Variants in VAT1L observed in about 807,000 individuals in gnomAD.
The protein encoded by VAT1L is vesicle amine transport 1 like.
In VAT1L, 34 loss-of-function variants were observed where a neutral mutation model predicts 44.1. That is an observed-to-expected ratio of 0.77 (90% confidence interval 0.59 to 1.03). The LOEUF (loss-of-function observed/expected upper bound fraction) is 1.03. Ranked by LOEUF, VAT1L falls within the 50% of genes least tolerant of loss-of-function variation. The pLI, the probability that VAT1L is intolerant of heterozygous loss-of-function variation, is 0.00. For synonymous variants in VAT1L, 253 were observed against 202.2 expected (o/e 1.25, Z -2.13); for missense variants, 615 against 538.8 (o/e 1.14, Z -1.40).
At position 77,975,714 on chromosome 16, in the gene VAT1L, T is replaced by C. The variant is rs78578472; in HGVS notation, c.1162-1883T>C. Among the ~76,000 whole-genome samples, 1,237 of 152,324 alleles carry C rather than the reference T, an allele frequency of 8.1e-3. 18 individuals carry two copies. Among genetic ancestry groups the C allele is most frequent in the African/African-American group, 0.028 (1,173 of 41,568 alleles). On this transcript the variant is annotated intron_variant, in intron 8 of 8. Coordinates refer to ENST00000302536, the MANE Select transcript of VAT1L (RefSeq NM_020927.3). ...GTCTCTCCTGCTGAAAGCCTCCTCT[T>C]AATGAGGCTGGACCAAAGCAAAGTC...
At chr16:77,942,400 G>T (rs1351996230) in intron 7 of VAT1L, among the ~76,000 whole-genome samples, 1 of 152,040 alleles carries the variant, frequency 6.6e-6, no homozygotes, top group Non-Finnish European at 1.5e-5. Context: ...TGAGATTTGG[G>T]TGGGGACACA....
intron 7 of VAT1L, among the ~76,000 whole-genome samples, chr16:77,944,932 G>C (rs1038980479): frequency 6.6e-6 from 1 of 152,072 alleles, no homozygotes; most frequent in Non-Finnish European, 1.5e-5. Context: ...CACACACACA[G>C]AAACTAAACA....
At chr16:77,823,935 A>G (rs1432289493) in intron 2 of VAT1L, among the ~76,000 whole-genome samples, 2 of 152,224 alleles carry the variant, frequency 1.3e-5, no homozygotes, top group African/African-American at 4.8e-5. Flanking sequence ...AGACAGGACA[A>G]TCGCTTGTAC....
chr16:77,823,451 C>T (rs1265359841), intron 2 of VAT1L, among the ~76,000 whole-genome samples: 1 of 152,112 alleles, frequency 6.6e-6, no homozygotes, highest in African/African-American at 2.4e-5. Flanking sequence ...TCTCCAGTGC[C>T]TAGAACCTAA....
chr16:77,814,946 G>A (rs2016326861), intron 1 of VAT1L, among the ~76,000 whole-genome samples: 1 of 152,154 alleles, frequency 6.6e-6, no homozygotes, highest in Non-Finnish European at 1.5e-5. Flanking sequence ...TATGTACGTG[G>A]CACCACATGT....
At chr16:77,812,823 A>G (rs544622383) in intron 1 of VAT1L, among the ~76,000 whole-genome samples, 7 of 152,154 alleles carry the variant, frequency 4.6e-5, no homozygotes, top group African/African-American at 7.2e-5. Context: ...CCATGTCTCA[A>G]TGATAACTCT....
intron 3 of VAT1L, among the ~76,000 whole-genome samples, chr16:77,842,284 A>G (rs1045397929): frequency 2.0e-5 from 3 of 152,170 alleles, no homozygotes; most frequent in African/African-American, 7.2e-5. Context: ...CATTGGAAAC[A>G]CACTCCTGTA....
Position 77,904,184 on chromosome 16 carries a change from C to CT in VAT1L, c.1077+19398dup, listed in dbSNP as rs59219677. On this transcript the variant is annotated intron_variant, in intron 7 of 8. Coordinates refer to ENST00000302536, the MANE Select transcript of VAT1L (RefSeq NM_020927.3). The stretch of plus-strand genomic sequence containing the variant: ...TCTTATTCTTGGTGTTACTGATTTG[C>CT]TTTTTTTTTTTTTTTTCCATTAAAG... Among the ~76,000 whole-genome samples the CT allele has an allele frequency of 3.6e-3, 491 of 135,372 alleles. 3 individuals carry two copies. The highest frequency in any genetic ancestry group is 5.9e-3 in the South Asian group (25 of 4,216). 88.8% of individuals were successfully genotyped at this position (135,372 alleles called of 152,430 possible). A position where few individuals can be genotyped will look rare whatever the true frequency, so the allele number is the denominator to read the frequency against.
chr16:77,857,186 A>T (rs918701172), intron 3 of VAT1L, among the ~76,000 whole-genome samples: 2 of 152,210 alleles, frequency 1.3e-5, no homozygotes, highest in African/African-American at 4.8e-5. Context: ...TACTGCAGTG[A>T]CTGGGAGAAT....
chr16:77,898,158 A>C (rs1319205578), intron 7 of VAT1L, among the ~76,000 whole-genome samples: 2 of 152,082 alleles, frequency 1.3e-5, no homozygotes, highest in African/African-American at 4.8e-5. Flanking sequence ...GTGGGCATCT[A>C]TCTCCAAAAT....
At chr16:77,975,747 A>G (rs910594635) in intron 8 of VAT1L, among the ~76,000 whole-genome samples, 3 of 152,248 alleles carry the variant, frequency 2.0e-5, no homozygotes, top group African/African-American at 7.2e-5. Flanking sequence ...GTCGAAACTC[A>G]TCCTATGATG....
chr16:77,904,888 A>C (rs572303750), intron 7 of VAT1L, among the ~76,000 whole-genome samples: 3 of 152,294 alleles, frequency 2.0e-5, no homozygotes, highest in South Asian at 2.1e-4. Context: ...TTGTAAGCCT[A>C]CTTCTCTTCA....
At chr16:77,964,201 C>T (rs994111810) in intron 7 of VAT1L, among the ~76,000 whole-genome samples, 3 of 152,090 alleles carry the variant, frequency 2.0e-5, no homozygotes, top group African/African-American at 7.2e-5. Flanking sequence ...CAGGTCTCAC[C>T]CATCACCTCC....
intron 1 of VAT1L, among the ~76,000 whole-genome samples, chr16:77,811,531 T>A (rs544007834): frequency 6.6e-6 from 1 of 152,290 alleles, no homozygotes; most frequent in Admixed American, 6.5e-5. Flanking sequence ...GGCAGTCATA[T>A]AAAAAGGGCT....
At chr16:77,894,750 T>C (rs1043685640) in intron 7 of VAT1L, among the ~76,000 whole-genome samples, 12 of 152,182 alleles carry the variant, frequency 7.9e-5, no homozygotes, top group African/African-American at 2.9e-4. Flanking sequence ...ATCATATATA[T>C]GCTAAGATAG....
chr16:77,939,459 A>G (rs4362400), intron 7 of VAT1L, among the ~76,000 whole-genome samples: 74,589 of 152,050 alleles, frequency 0.49, 18,812 homozygotes, highest in South Asian at 0.74. Context: ...AAGTGCCACA[A>G]ATCAGGGCTC....
intron 7 of VAT1L, among the ~76,000 whole-genome samples, chr16:77,918,979 GCTT>G (rs1387038457): frequency 1.3e-5 from 2 of 152,084 alleles, no homozygotes; most frequent in Non-Finnish European, 2.9e-5. Flanking sequence ...TTCCTATCTA[GCTT>G]CTTGTTTATT....
intron 7 of VAT1L, among the ~76,000 whole-genome samples, chr16:77,971,056 T>G (rs1460342992): frequency 6.6e-6 from 1 of 152,166 alleles, no homozygotes; most frequent in Non-Finnish European, 1.5e-5. Flanking sequence ...CCACGCAGAT[T>G]TCATTGAGAT....
chr16:77,954,402 G>A (rs1394276234), intron 7 of VAT1L, among the ~76,000 whole-genome samples: 4 of 152,090 alleles, frequency 2.6e-5, no homozygotes, highest in Non-Finnish European at 4.4e-5. Context: ...CCAGACAGGC[G>A]GATCACAAGA....
Sources: gnomAD v4.1 joint callset for allele counts (sites outside exome capture counted in the v4.1 genomes callset) on GRCh38, gnomAD v4.1.1 for gene constraint, MANE v1.5 for transcripts, NCBI Gene and HGNC (gene_info 2026-07-23, HGNC 2026-07-21) for gene names.